The following ABCA13 variants were observed in gnomAD, a reference collection of about 807,000 sequenced individuals.
The protein encoded by ABCA13 is ATP binding cassette subfamily A member 13, also known as ATP-binding cassette sub-family A member 13.
A neutral mutation model predicts 478.7 loss-of-function variants in ABCA13; 476 were observed. The observed-to-expected ratio is 0.99, with a 90% CI of 0.92 to 1.07. The LOEUF is 1.07. Among genes scored for constraint, ABCA13 ranks in the 50% least tolerant of loss-of-function variants. ABCA13 has a pLI of 0.00. For synonymous variants in ABCA13, 2,252 were observed against 2,158.9 expected (o/e 1.04, Z -1.20); for missense variants, 6,060 against 5,910.6 (o/e 1.03, Z -0.83).
rs769840927 is a variant in ABCA13, at chr7:48,403,730, G to A, written c.11921G>A (p.Arg3974Gln). 2.7e-5 allele frequency: 44 copies of A among 1,613,946 alleles called. No individual in the cohort carries two copies. Among genetic ancestry groups the A allele is most frequent in the Admixed American group, 2.2e-4 (13 of 60,016 alleles). The change falls in exon 39 of 62, where the codon CGA becomes CAA. Residue 3974 changes from arginine to glutamine, a missense_variant. This residue lies in a region of ABCA13 where 1,627 missense variants were observed against 1,571.0 expected (regional missense o/e 1.04). Coordinates refer to ENST00000435803, the MANE Select transcript of ABCA13 (RefSeq NM_152701.5). ...DLTQHQHKQT[R>Q]ALSGGLKRKL... ...ACTCAGCATCAGCACAAACAGACCC[G>A]AGCTCTGTCTGGAGGCCTGAAGAGG... is the stretch of plus-strand genomic sequence containing the variant.
chr7:48,493,339 C>T (rs1240718112), intron 48 of ABCA13, among the ~76,000 whole-genome samples: 2 of 151,814 alleles, frequency 1.3e-5, no homozygotes, highest in African/African-American at 2.4e-5. Context: ...TTGCTTCTTT[C>T]GTTATTAGGA....
chr7:48,568,574 T>C (rs988713154), intron 55 of ABCA13, among the ~76,000 whole-genome samples: 1 of 152,030 alleles, frequency 6.6e-6, no homozygotes, highest in African/African-American at 2.4e-5. Context: ...TGTTATATAG[T>C]TTTCTGTCAT....
chr7:48,578,235 A>G (rs1414354025), intron 55 of ABCA13, among the ~76,000 whole-genome samples: 1 of 152,188 alleles, frequency 6.6e-6, no homozygotes, highest in Non-Finnish European at 1.5e-5. Flanking sequence ...ATAAGAGCAG[A>G]AAAGGGAGTT....
chr7:48,631,000 G>A (rs914036574), intron 59 of ABCA13, among the ~76,000 whole-genome samples: 3 of 151,468 alleles, frequency 2.0e-5, no homozygotes, highest in Non-Finnish European at 4.4e-5. Context: ...TTTTTTTAAT[G>A]GGGTTATTTG....
intron 27 of ABCA13, among the ~76,000 whole-genome samples, chr7:48,320,122 T>C (rs1277414792): frequency 6.6e-6 from 1 of 152,300 alleles, no homozygotes; most frequent in Middle Eastern, 3.4e-3. Context: ...ACATTAAAAT[T>C]TCAACAAGTT....
chr7:48,623,832 G>A (rs374794881), intron 59 of ABCA13, among the ~76,000 whole-genome samples: 1 of 152,130 alleles, frequency 6.6e-6, no homozygotes, highest in Non-Finnish European at 1.5e-5. Flanking sequence ...CTTAAATAAG[G>A]TTAGGTTTCT....
chr7:48,626,899 T>C (rs1249319335), intron 59 of ABCA13: 19 of 985,304 alleles, frequency 1.9e-5, no homozygotes, highest in Non-Finnish European at 2.4e-6. Context: ...TCATGTTCTC[T>C]TTGCTATGGC....
intron 35 of ABCA13, among the ~76,000 whole-genome samples, chr7:48,379,230 T>A (rs1288222203): frequency 6.6e-6 from 1 of 152,220 alleles, no homozygotes; most frequent in Non-Finnish European, 1.5e-5. Context: ...ATTCTTAAAT[T>A]GCACAAAGTA....
intron 4 of ABCA13, among the ~76,000 whole-genome samples, chr7:48,220,330 G>A (rs933844619): frequency 1.3e-5 from 2 of 152,110 alleles, no homozygotes; most frequent in East Asian, 1.9e-4. Flanking sequence ...GTTAATATAT[G>A]TATGTCCCAA....
chr7:48,565,031 A>C (rs1424883424), intron 55 of ABCA13, among the ~76,000 whole-genome samples: 1 of 152,120 alleles, frequency 6.6e-6, no homozygotes, highest in Non-Finnish European at 1.5e-5. Flanking sequence ...GTCATAAATT[A>C]AGACACCAAA....
chr7:48,374,395 T>C lies in ABCA13; in HGVS notation c.11182T>C (p.Phe3728Leu), dbSNP rs1462559037. 6.2e-7 allele frequency: 1 copy of C among 1,610,252 alleles called. No individual in the cohort carries two copies. Among genetic ancestry groups the C allele is most frequent in the East Asian group, 2.2e-5 (1 of 44,760 alleles). Residue 3728 changes from phenylalanine to leucine, a missense_variant, in exon 34 of 62, where the codon TTC (phenylalanine) becomes CTC (leucine). Phe to Leu is a conservative substitution (Grantham distance 22). This residue lies in a region of ABCA13 where 4,423 missense variants were observed against 4,309.1 expected (regional missense o/e 1.03). Coordinates refer to ENST00000435803, the MANE Select transcript of ABCA13 (RefSeq NM_152701.5). ...TGGACAAGGGGTATTTTTTATTACA[T>C]TCCTGGAAGGACAAGAGACAGGTAA... Reference protein sequence around the residue: ...AFGQGVFFITFLEGQETGIQW... With the variant: ...AFGQGVFFITLLEGQETGIQW...
In ABCA13 at chr7:48,279,444, A is replaced by G. The variant is rs1796734834; in HGVS notation, c.8250A>G (p.Leu2750=). 1.2e-6 allele frequency: 2 copies of G among 1,607,456 alleles called. No individual in the cohort carries two copies. Among genetic ancestry groups the G allele is most frequent in the African/African-American group, 1.3e-5 (1 of 74,988 alleles). The stretch of plus-strand genomic sequence containing the variant: ...CCTTAGAAGCTCTTTGGAAAAACTT[A>G]AAGAAAGATAATTGGAATGTTTCTA... ...CLTLEALWKN[L]KKDNWNVSNV... The change falls in exon 18 of 62, where the codon TTA becomes TTG. Residue 2750 remains leucine (L), a synonymous_variant. Coordinates refer to ENST00000435803, the MANE Select transcript of ABCA13 (RefSeq NM_152701.5).
intron 15 of ABCA13, among the ~76,000 whole-genome samples, chr7:48,262,472 C>A (rs950813538): frequency 6.6e-6 from 1 of 151,862 alleles, no homozygotes; most frequent in Non-Finnish European, 1.5e-5. Flanking sequence ...CTTTTGATTT[C>A]TTTTTCTTGA....
intron 59 of ABCA13, among the ~76,000 whole-genome samples, chr7:48,627,696 A>G (rs1220731839): frequency 6.6e-6 from 1 of 152,228 alleles, no homozygotes; most frequent in Non-Finnish European, 1.5e-5. Flanking sequence ...GGTAGTTTAT[A>G]AAGGAAAGAG....
chr7:48,358,169 GACA>G (rs1810240329), intron 31 of ABCA13, among the ~76,000 whole-genome samples: 1 of 113,386 alleles, frequency 8.8e-6, no homozygotes, highest in East Asian at 3.2e-4. Context: ...AAAAAGAAAG[GACA>G]GGACAGGACA....
At chr7:48,320,736 C>T (rs1803327179) in intron 27 of ABCA13, among the ~76,000 whole-genome samples, 1 of 152,204 alleles carries the variant, frequency 6.6e-6, no homozygotes, top group Non-Finnish European at 1.5e-5. Flanking sequence ...TCACCAGGCA[C>T]ATTCTAGGCC....
At chr7:48,341,916 CA>C (rs1807290608) in intron 29 of ABCA13, among the ~76,000 whole-genome samples, 1 of 41,146 alleles carries the variant, frequency 2.4e-5, no homozygotes, top group African/African-American at 8.8e-5. Context: ...TATATATACT[CA>C]TATATATATA....
At chr7:48,176,951 A>T (rs1794968494) in intron 1 of ABCA13, among the ~76,000 whole-genome samples, 1 of 152,144 alleles carries the variant, frequency 6.6e-6, no homozygotes, top group Non-Finnish European at 1.5e-5. Context: ...AAACAAAATA[A>T]TCTCATTTCT....
chr7:48,588,134 A>G (rs1232474256), intron 57 of ABCA13, among the ~76,000 whole-genome samples: 2 of 152,180 alleles, frequency 1.3e-5, no homozygotes, highest in Non-Finnish European at 2.9e-5. Context: ...GTGTGGGAAA[A>G]TGGTCTCATC....
Sources: allele counts gnomAD v4.1 joint callset (sites outside exome capture counted in the v4.1 genomes callset), GRCh38; gene constraint gnomAD v4.1.1; regional missense constraint gnomAD v4.1.1; transcripts MANE v1.5; gene names NCBI Gene and HGNC (gene_info 2026-07-23, HGNC 2026-07-21).